MTFR1: variants seen among roughly 807,000 people sequenced by gnomAD.
The protein encoded by MTFR1 is chondrocyte protein with a poly-proline region.
A neutral mutation model predicts 38.8 loss-of-function variants in MTFR1; 28 were observed. The observed-to-expected ratio is 0.72, with a 90% CI of 0.53 to 0.99. The LOEUF (loss-of-function observed/expected upper bound fraction) is 0.99. Ranked by LOEUF, MTFR1 falls within the 50% of genes least tolerant of loss-of-function variation. The probability of loss-of-function intolerance (pLI) is 0.00; values close to 1 mark genes in which losing one functional copy is unlikely to be tolerated. For synonymous variants in MTFR1, 145 were observed against 137.0 expected (o/e 1.06, Z -0.41); for missense variants, 358 against 395.5 (o/e 0.91, Z 0.81).
At chr8:65,674,774 G>A (rs2129052137) in intron 2 of MTFR1, among the ~76,000 whole-genome samples, 1 of 152,224 alleles carries the variant, frequency 6.6e-6, no homozygotes, top group South Asian at 2.1e-4. Flanking sequence ...TACTATGCCA[G>A]TGCTTACTGT....
chr8:65,683,136 T>C (rs944133772), intron 3 of MTFR1, among the ~76,000 whole-genome samples: 88 of 147,876 alleles, frequency 6.0e-4, no homozygotes, highest in African/African-American at 1.4e-3. Context: ...TTCTTTCTTT[T>C]TTTTTTTTTT....
intron 3 of MTFR1, among the ~76,000 whole-genome samples, chr8:65,750,033 TG>T (rs35241703): frequency 1 from 152,326 of 152,326 alleles, 76,163 homozygotes; most frequent in Non-Finnish European, 1. Context: ...CATGAATATG[TG>T]GGGGAGGAGA....
At chr8:65,731,584 T>C (rs1806889731) in intron 3 of MTFR1, 1 of 152,204 alleles carries the variant, frequency 6.6e-6, no homozygotes, top group Non-Finnish European at 1.5e-5. Context: ...TCAAGGAGAC[T>C]TTGGGCTCAA....
At chr8:65,660,439 C>T (rs1477168934) in intron 1 of MTFR1, among the ~76,000 whole-genome samples, 1 of 151,988 alleles carries the variant, frequency 6.6e-6, no homozygotes, top group Non-Finnish European at 1.5e-5. Flanking sequence ...AAGAGATTAG[C>T]ATTTGAGTAT....
At chr8:65,649,908 G>A (rs1809072785) in intron 1 of MTFR1, among the ~76,000 whole-genome samples, 2 of 151,288 alleles carry the variant, frequency 1.3e-5, no homozygotes, top group South Asian at 2.1e-4. Context: ...GCGTGATCTC[G>A]GCTCACTGCC....
At chr8:65,764,938 A>G (rs1393047379) in intron 3 of MTFR1, among the ~76,000 whole-genome samples, 1 of 152,212 alleles carries the variant, frequency 6.6e-6, no homozygotes, top group African/African-American at 2.4e-5. Flanking sequence ...GTTAATACAG[A>G]TTATATGGAG....
intron 3 of MTFR1, among the ~76,000 whole-genome samples, chr8:65,683,318 G>C (rs1804965847): frequency 6.6e-6 from 1 of 151,910 alleles, no homozygotes; most frequent in African/African-American, 2.4e-5. Context: ...TTTTAGTAGA[G>C]ATGGGGTTTC....
intron 1 of MTFR1, among the ~76,000 whole-genome samples, chr8:65,645,438 G>A (rs1411368832): frequency 6.6e-6 from 1 of 152,246 alleles, no homozygotes; most frequent in African/African-American, 2.4e-5. Context: ...TCAAACTGTG[G>A]AGAAATTGAA....
chr8:65,720,353 A>G (rs1270401578), intron 3 of MTFR1: 1 of 154,168 alleles, frequency 6.5e-6, no homozygotes, highest in Non-Finnish European at 1.5e-5. Flanking sequence ...AAGAATGGGG[A>G]AAATATACAT....
chr8:65,715,379 G>GT (rs869132666), downstream of MTFR1, among the ~76,000 whole-genome samples: 1,855 of 133,312 alleles, frequency 0.014, 13 homozygotes, highest in African/African-American at 0.028. Context: ...CTATAAAAAA[G>GT]TTTTTTTTTT....
chr8:65,765,902 T>A (rs910971357), intron 3 of MTFR1, among the ~76,000 whole-genome samples: 2 of 152,232 alleles, frequency 1.3e-5, no homozygotes, highest in Non-Finnish European at 2.9e-5. Flanking sequence ...AAAGAATGAT[T>A]TATTAAGTTT....
At chr8:65,684,572 A>G (rs112943212) in intron 3 of MTFR1, among the ~76,000 whole-genome samples, 3 of 151,506 alleles carry the variant, frequency 2.0e-5, no homozygotes, top group African/African-American at 4.8e-5. Context: ...TTTAATAGAG[A>G]TGGGGTTTCT....
chr8:65,668,044 C>G (rs1804440745), intron 1 of MTFR1, among the ~76,000 whole-genome samples: 2 of 152,098 alleles, frequency 1.3e-5, no homozygotes, highest in African/African-American at 4.8e-5. Context: ...CTATAAAGCT[C>G]TTCTCACAAC....
At chr8:65,723,689 T>C in intron 3 of MTFR1, 2 of 1,118,730 alleles carry the variant, frequency 1.8e-6, no homozygotes, top group South Asian at 3.9e-5. Context: ...AATTAAAGGC[T>C]TGAACATACC....
chr8:65,712,781 C>A (rs1805987892), downstream of MTFR1, among the ~76,000 whole-genome samples: 1 of 152,144 alleles, frequency 6.6e-6, no homozygotes, highest in South Asian at 2.1e-4. Flanking sequence ...TATAAGTCAC[C>A]TAGTTTCTGG....
chr8:65,650,210 C>CTTTT (rs768949769), intron 1 of MTFR1, among the ~76,000 whole-genome samples: 1 of 114,630 alleles, frequency 8.7e-6, no homozygotes, highest in Non-Finnish European at 1.7e-5. Flanking sequence ...TCCTTATACT[C>CTTTT]TTTTTTTTTT....
downstream of MTFR1, among the ~76,000 whole-genome samples, chr8:65,710,717 A>AAAG (rs144432211): frequency 0.013 from 2,018 of 152,218 alleles, 48 homozygotes; most frequent in African/African-American, 0.046. Context: ...TTTCTCATAT[A>AAAG]AAGAGATCTC....
chr8:65,727,975 AG>A (rs1440689331), intron 3 of MTFR1: 5 of 152,344 alleles, frequency 3.3e-5, no homozygotes, highest in East Asian at 1.9e-4. Context: ...AATAAATAAA[AG>A]TTTATGATTA....
intron 4 of MTFR1, among the ~76,000 whole-genome samples, chr8:65,701,107 A>T (rs186673048): frequency 6.6e-6 from 1 of 152,196 alleles, no homozygotes; most frequent in Non-Finnish European, 1.5e-5. Context: ...TTTGTCTCTT[A>T]TCTACCCCCA....
Sources: gnomAD v4.1 joint callset for allele counts (sites outside exome capture counted in the v4.1 genomes callset) on GRCh38, gnomAD v4.1.1 for gene constraint, MANE v1.5 for transcripts, NCBI Gene and HGNC (gene_info 2026-07-23, HGNC 2026-07-21) for gene names.